PTPN1: variants seen among roughly 807,000 people sequenced by gnomAD.
PTPN1 encodes the protein tyrosine-protein phosphatase non-receptor type 1.
A neutral mutation model predicts 59.9 loss-of-function variants in PTPN1; 12 were observed. The observed-to-expected ratio is 0.20, with a 90% CI of 0.13 to 0.32. The LOEUF (loss-of-function observed/expected upper bound fraction) is 0.32. PTPN1 is among the 10% of genes least tolerant of loss of function. PTPN1 has a pLI of 1.00. For synonymous variants in PTPN1, 178 were observed against 203.6 expected (o/e 0.87, Z 1.07); for missense variants, 356 against 549.2 (o/e 0.65, Z 3.52).
chr20:50,523,130 G>A (rs911952395), intron 1 of PTPN1, among the ~76,000 whole-genome samples: 4 of 151,988 alleles, frequency 2.6e-5, no homozygotes, highest in African/African-American at 9.7e-5. Context: ...GTGATTTATC[G>A]AATGTGGGGG....
At chr20:50,524,700 C>T (rs1487892451) in intron 1 of PTPN1, among the ~76,000 whole-genome samples, 4 of 150,334 alleles carry the variant, frequency 2.7e-5, no homozygotes, top group Admixed American at 6.7e-5. Context: ...TCTCAGCCTC[C>T]TAAGTAGCTG....
intron 5 of PTPN1, chr20:50,575,058 T>G: frequency 6.1e-6 from 1 of 163,654 alleles, no homozygotes; most frequent in Non-Finnish European, 1.3e-5. Context: ...TCCAGTTTCA[T>G]AGCTAGTGAA....
rs193093159 is a variant in PTPN1, at chr20:50,583,350, C to A, written c.*635C>A. On this transcript the variant is annotated 3_prime_UTR_variant, in exon 10 of 10. Transcript: ENST00000371621. ...TGTTATTTAGTGATATTGTGGGTAA[C>A]GTGAGAAGATAGAACAATGCTATAA... 1 of 152,448 alleles carries A rather than the reference C, an allele frequency of 6.6e-6. No individual in the cohort carries two copies. Among genetic ancestry groups the A allele is most frequent in the East Asian group, 1.9e-4 (1 of 5,198 alleles). The allele number at this position is 152,448 out of a possible 1,614,324, so 9.4% of individuals were successfully genotyped here. A position where few individuals can be genotyped will look rare whatever the true frequency, so the allele number is the denominator to read the frequency against.
At position 50,582,289 on chromosome 20, in the gene PTPN1, C is replaced by A. The variant is rs868168581; in HGVS notation, c.1285-403C>A. Among the ~76,000 whole-genome samples the A allele has an allele frequency of 2.0e-5, 3 of 152,194 alleles. No homozygotes were observed. The highest frequency in any genetic ancestry group is 4.4e-5 in the Non-Finnish European group (3 of 68,028). ...CAGGGTGGCCATTGGCATGTCAACCCGCTGTTAATTCAGAGAAGTGGGCTC... is the reference window on the plus strand; with the variant it reads ...CAGGGTGGCCATTGGCATGTCAACCAGCTGTTAATTCAGAGAAGTGGGCTC... On this transcript the variant is annotated intron_variant, in intron 9 of 9. Coordinates refer to ENST00000371621, the MANE Select transcript of PTPN1 (RefSeq NM_002827.4). This position sits in a 1 kb window ranked among gnomAD's most constrained non-coding sequence, Gnocchi z 4.2.
intron 1 of PTPN1, among the ~76,000 whole-genome samples, chr20:50,531,314 G>A (rs2082599864): frequency 6.6e-6 from 1 of 152,154 alleles, no homozygotes; most frequent in Non-Finnish European, 1.5e-5. Flanking sequence ...GGCCAGAGGT[G>A]GGACAGTTGA....
intron 1 of PTPN1, among the ~76,000 whole-genome samples, chr20:50,530,979 C>T (rs1418176992): frequency 6.6e-6 from 1 of 152,164 alleles, no homozygotes; most frequent in Non-Finnish European, 1.5e-5. Context: ...GTTGGGATTA[C>T]AGGGACAAGC....
At chr20:50,564,905 T>C (rs1263172536) in intron 2 of PTPN1, 64 bp from the exon 3 acceptor site, 1 of 1,601,268 alleles carries the variant, frequency 6.2e-7, no homozygotes, top group Non-Finnish European at 8.5e-7. Context: ...CTGTAGGGTG[T>C]GCACCTGTAT....
In PTPN1 at chr20:50,582,607, G is replaced by T; in HGVS notation, c.1285-85G>T. 2 of 1,423,762 alleles carry T rather than the reference G, an allele frequency of 1.4e-6. No individual in the cohort carries two copies. Among genetic ancestry groups the T allele is most frequent in the Non-Finnish European group, 2.0e-6 (2 of 1,025,598 alleles). 88.2% of individuals were successfully genotyped at this position (1,423,762 alleles called of 1,614,324 possible). ...TGCTCCCTCGGAGGTTGAAGTTGCC[G>T]GGGGGTGTGGCCGGGGTCATGCATG... On this transcript the variant is annotated intron_variant, in intron 9 of 9. Coordinates refer to ENST00000371621, the MANE Select transcript of PTPN1 (RefSeq NM_002827.4). This position sits in a 1 kb window ranked among gnomAD's most constrained non-coding sequence, Gnocchi z 4.2.
chr20:50,557,948 C>T (rs2082733120), intron 1 of PTPN1: 1 of 152,324 alleles, frequency 6.6e-6, no homozygotes, highest in Non-Finnish European at 1.5e-5. Flanking sequence ...AGTCCTCCCA[C>T]CTAAGCCTCC....
chr20:50,549,917 C>T (rs893077817), intron 1 of PTPN1, among the ~76,000 whole-genome samples: 1 of 152,072 alleles, frequency 6.6e-6, no homozygotes, highest in African/African-American at 2.4e-5. Context: ...ACCTGGAAGA[C>T]ATTGAACCTC....
intron 1 of PTPN1, among the ~76,000 whole-genome samples, chr20:50,521,699 G>T (rs570507467): frequency 6.6e-6 from 1 of 152,304 alleles, no homozygotes; most frequent in East Asian, 1.9e-4. Flanking sequence ...CTTGCTTCAC[G>T]CAATGCTTTT....
intron 1 of PTPN1, among the ~76,000 whole-genome samples, chr20:50,543,796 A>G (rs1313302108): frequency 6.6e-6 from 1 of 152,226 alleles, no homozygotes; most frequent in African/African-American, 2.4e-5. Flanking sequence ...CAATAAAGGA[A>G]ATTGCAGAGG....
At chr20:50,575,395 T>C (rs1202166369) in intron 5 of PTPN1, among the ~76,000 whole-genome samples, 1 of 152,202 alleles carries the variant, frequency 6.6e-6, no homozygotes, top group African/African-American at 2.4e-5. Context: ...CCGTTTCCTC[T>C]TCTGTCAAAC....
At position 50,582,912 on chromosome 20, in the gene PTPN1, C is replaced by T; in HGVS notation, c.*197C>T. ...ACCCCTCATCCTTTTACTTTTTGCC[C>T]CTTCCACTTTGAGTACCAAATCCAC... On this transcript the variant is annotated 3_prime_UTR_variant, in exon 10 of 10. Coordinates refer to ENST00000371621, the MANE Select transcript of PTPN1 (RefSeq NM_002827.4). The surrounding 1 kb of genome is among the most constrained non-coding windows in gnomAD (Gnocchi z 4.2). 1 of 637,048 alleles carries T rather than the reference C, an allele frequency of 1.6e-6. No homozygotes were observed. The highest frequency in any genetic ancestry group is 2.7e-5 in the Admixed American group (1 of 36,430). 39.5% of individuals were successfully genotyped at this position (637,048 alleles called of 1,614,324 possible).
chr20:50,573,864 G>A (rs1420910205), intron 4 of PTPN1: 1 of 152,198 alleles, frequency 6.6e-6, no homozygotes, highest in Admixed American at 6.5e-5. Context: ...TTGTTTTAAA[G>A]AAAAATTTAA....
In PTPN1 at chr20:50,574,485, T is replaced by C; in HGVS notation, c.355-32T>C. On this transcript the variant is annotated intron_variant, in intron 4 of 9. Transcript: ENST00000371621. ...TGCCATAGAAAAACTGCCATATTGC[T>C]CACAATAATTCACTATTATTTGTTT... 1.9e-6 allele frequency: 3 copies of C among 1,559,012 alleles called. No homozygotes were observed. The South Asian group carries it at 3.7e-5, about 19-fold the overall frequency.
At chr20:50,517,838 G>T (rs1042868983) in intron 1 of PTPN1, among the ~76,000 whole-genome samples, 24 of 152,050 alleles carry the variant, frequency 1.6e-4, no homozygotes, top group African/African-American at 5.3e-4. Flanking sequence ...AAAGTTTTGG[G>T]TCCCAAGTAG....
intron 1 of PTPN1, among the ~76,000 whole-genome samples, chr20:50,552,156 A>G (rs2082704542): frequency 6.6e-6 from 1 of 152,136 alleles, no homozygotes; most frequent in African/African-American, 2.4e-5. Flanking sequence ...ACGGTAGTCT[A>G]CTTACTTTCT....
chr20:50,531,043 A>AGTG (rs1015296049), intron 1 of PTPN1, among the ~76,000 whole-genome samples: 7 of 152,048 alleles, frequency 4.6e-5, no homozygotes, highest in Admixed American at 1.3e-4. Context: ...CAGCCTTATT[A>AGTG]GTGGTCCCAG....
Sources: allele counts gnomAD v4.1 joint callset (sites outside exome capture counted in the v4.1 genomes callset), GRCh38; gene constraint gnomAD v4.1.1; non-coding constraint Gnocchi (gnomAD v3.1); transcripts MANE v1.5; gene names NCBI Gene and HGNC (gene_info 2026-07-23, HGNC 2026-07-21).